PCDH7: variants seen among roughly 807,000 people sequenced by gnomAD.
PCDH7 encodes protocadherin 7, also known as protocadherin-7.
In PCDH7, 17 loss-of-function variants were observed where a neutral mutation model predicts 58.9. That is an observed-to-expected ratio of 0.29 (90% CI 0.20 to 0.43). PCDH7 has a LOEUF of 0.43. Ranked by LOEUF, PCDH7 falls within the 20% of genes least tolerant of loss-of-function variation. PCDH7 has a pLI of 1.00. For synonymous variants in PCDH7, 664 were observed against 616.4 expected (o/e 1.08, Z -1.14); for missense variants, 1,274 against 1,441.0 (o/e 0.88, Z 1.88).
chr4:30,972,089 G>A (rs545511018), intron 3 of PCDH7, among the ~76,000 whole-genome samples: 1 of 152,298 alleles, frequency 6.6e-6, no homozygotes, highest in Non-Finnish European at 1.5e-5. Context: ...CAGGCTGTGT[G>A]ATATTAAATG....
At chr4:31,082,525 A>T (rs997484185) in intron 3 of PCDH7, among the ~76,000 whole-genome samples, 1 of 152,222 alleles carries the variant, frequency 6.6e-6, no homozygotes, top group African/African-American at 2.4e-5. Context: ...GGACAGTTGG[A>T]AATACTGGTG....
intron 3 of PCDH7, among the ~76,000 whole-genome samples, chr4:31,068,413 G>A (rs1004899240): frequency 4.6e-5 from 7 of 151,916 alleles, no homozygotes; most frequent in Admixed American, 6.6e-5. Context: ...AAGATGACTC[G>A]TAAACTGAAG....
intron 3 of PCDH7, among the ~76,000 whole-genome samples, chr4:31,133,228 C>T (rs1273403845): frequency 1.3e-5 from 2 of 152,176 alleles, no homozygotes; most frequent in African/African-American, 4.8e-5. Context: ...TGGAACTATT[C>T]TGAGACTCTA....
At chr4:31,059,511 C>T (rs1035724253) in intron 3 of PCDH7, among the ~76,000 whole-genome samples, 8 of 151,788 alleles carry the variant, frequency 5.3e-5, no homozygotes, top group Non-Finnish European at 1.0e-4. Flanking sequence ...ATATTTTCTT[C>T]TAAAGATTAA....
At chr4:30,786,822 A>G in intron 1 of PCDH7, 1 of 850,600 alleles carries the variant, frequency 1.2e-6, no homozygotes, top group Non-Finnish European at 1.4e-6. Context: ...GCAGTGTTCC[A>G]ACTCAATATG....
intron 3 of PCDH7, among the ~76,000 whole-genome samples, chr4:31,005,329 A>T (rs1752682926): frequency 6.6e-6 from 1 of 152,132 alleles, no homozygotes; most frequent in Non-Finnish European, 1.5e-5. Context: ...ACTGAAAGTG[A>T]TGTGGAAGGA....
chr4:30,846,635 T>G (rs1339233958), intron 1 of PCDH7, among the ~76,000 whole-genome samples: 2 of 152,250 alleles, frequency 1.3e-5, no homozygotes, highest in African/African-American at 4.8e-5. Flanking sequence ...TAGGTTCCAA[T>G]AGTGCCACCC....
At chr4:30,788,684 A>G (rs1046959683) in intron 1 of PCDH7, among the ~76,000 whole-genome samples, 1 of 152,142 alleles carries the variant, frequency 6.6e-6, no homozygotes, top group African/African-American at 2.4e-5. Flanking sequence ...AAAAGAGTTT[A>G]TCTTAGACAC....
chr4:30,902,520 T>A (rs1248436091), intron 1 of PCDH7, among the ~76,000 whole-genome samples: 2 of 152,126 alleles, frequency 1.3e-5, no homozygotes, highest in Non-Finnish European at 2.9e-5. Context: ...TATAATGAGA[T>A]CCAGGGAGCA....
At chr4:30,783,001 T>C (rs990325807) in intron 1 of PCDH7, 1 of 152,166 alleles carries the variant, frequency 6.6e-6, no homozygotes, top group East Asian at 1.9e-4. Flanking sequence ...CCCATCAACA[T>C]CTATACAACT....
chr4:30,824,212 C>A (rs1728823303), intron 1 of PCDH7, among the ~76,000 whole-genome samples: 1 of 148,462 alleles, frequency 6.7e-6, no homozygotes, highest in South Asian at 2.1e-4. Flanking sequence ...GGAAATCTTT[C>A]TCTTTTAGCT....
At chr4:31,026,881 G>C (rs1754478900) in intron 3 of PCDH7, among the ~76,000 whole-genome samples, 1 of 152,118 alleles carries the variant, frequency 6.6e-6, no homozygotes, top group South Asian at 2.1e-4. Flanking sequence ...AAAGCTGATT[G>C]CCTCAGTTGA....
intron 3 of PCDH7, among the ~76,000 whole-genome samples, chr4:31,118,470 G>T (rs968893988): frequency 6.6e-6 from 1 of 152,026 alleles, no homozygotes; most frequent in African/African-American, 2.4e-5. Flanking sequence ...GTCCTGCAAA[G>T]CTGATCCATC....
chr4:31,120,627 G>A (rs1208990509), intron 3 of PCDH7, among the ~76,000 whole-genome samples: 1 of 151,856 alleles, frequency 6.6e-6, no homozygotes, highest in Non-Finnish European at 1.5e-5. Flanking sequence ...AGAAATTTGA[G>A]GTGCAGAATC....
At chr4:30,806,478 C>CT (rs756093040) in intron 1 of PCDH7, among the ~76,000 whole-genome samples, 14 of 151,672 alleles carry the variant, frequency 9.2e-5, no homozygotes, top group African/African-American at 2.2e-4. Context: ...AAATTTTGTA[C>CT]TTTTTTTAGT....
At chr4:30,991,311 T>G (rs1316050947) in intron 3 of PCDH7, among the ~76,000 whole-genome samples, 2 of 152,280 alleles carry the variant, frequency 1.3e-5, no homozygotes, top group East Asian at 3.9e-4. Context: ...ATGGACAACA[T>G]TCCCACTGGA....
At chr4:30,814,774 G>A (rs1016463961) in intron 1 of PCDH7, among the ~76,000 whole-genome samples, 5 of 151,970 alleles carry the variant, frequency 3.3e-5, no homozygotes, top group Admixed American at 6.6e-5. Context: ...TATTCTTTAG[G>A]TTTTGGAAAA....
chr4:30,844,561 T>C (rs1731662051), intron 1 of PCDH7, among the ~76,000 whole-genome samples: 1 of 152,130 alleles, frequency 6.6e-6, no homozygotes, highest in African/African-American at 2.4e-5. Flanking sequence ...ATTTCTAAGG[T>C]AGGTACAGAG....
intron 1 of PCDH7, among the ~76,000 whole-genome samples, chr4:30,772,059 G>A (rs921903366): frequency 6.6e-6 from 1 of 151,878 alleles, no homozygotes; most frequent in Non-Finnish European, 1.5e-5. Context: ...TAGTAGAGAT[G>A]GGGTCTCACC....
Sources: allele counts gnomAD v4.1 joint callset (sites outside exome capture counted in the v4.1 genomes callset), GRCh38; gene constraint gnomAD v4.1.1; transcripts MANE v1.5; gene names NCBI Gene and HGNC (gene_info 2026-07-23, HGNC 2026-07-21).